GPA33: variants seen among roughly 807,000 people sequenced by gnomAD.
GPA33 encodes the protein glycoprotein A33, also known as cell surface A33 antigen.
Under a neutral mutation model 35.6 loss-of-function variants are expected in GPA33, and 27 were observed. That is an observed-to-expected ratio of 0.76 (90% CI 0.56 to 1.04). The LOEUF (loss-of-function observed/expected upper bound fraction) is 1.04. GPA33 is among the 50% of genes least tolerant of loss of function. GPA33 has a pLI of 0.00. For missense variants in GPA33, 428 were observed against 411.9 expected (o/e 1.04, Z -0.34); for synonymous variants, 176 against 164.0 (o/e 1.07, Z -0.56).
At chr1:167,089,571 T>C (rs1433680408) in intron 1 of GPA33, among the ~76,000 whole-genome samples, 1 of 152,146 alleles carries the variant, frequency 6.6e-6, no homozygotes, top group Non-Finnish European at 1.5e-5. Flanking sequence ...ACTCCATAGG[T>C]CCCCACAGAA....
chr1:167,059,132 A>T (rs73028865), intron 4 of GPA33, among the ~76,000 whole-genome samples: 1,763 of 152,220 alleles, frequency 0.012, 37 homozygotes, highest in African/African-American at 0.04. Context: ...TCCTAGTCCA[A>T]TGAGTCAGCG....
chr1:167,065,464 T>A (rs1666570573), intron 3 of GPA33, among the ~76,000 whole-genome samples: 1 of 152,198 alleles, frequency 6.6e-6, no homozygotes, highest in Admixed American at 6.5e-5. Flanking sequence ...GGGTTGCTCC[T>A]GGAATCCCTA....
At chr1:167,056,759 GTGTGTGTGGTGTGTGTGGCA>G in intron 4 of GPA33, among the ~76,000 whole-genome samples, 1 of 26,682 alleles carries the variant, frequency 3.7e-5, no homozygotes, top group East Asian at 1.1e-3. Context: ...TGTGTATGGC[GTGTGTGTGGTGTGTGTGGCA>G]TGTGTAGTGT....
Position 167,054,005 on chromosome 1 carries a change from G to A in GPA33, c.*329C>T, listed in dbSNP as rs138642494. 8.2e-3 allele frequency: 2,672 copies of A among 325,740 alleles called. 18 individuals carry two copies. The highest frequency in any genetic ancestry group is 0.019 in the Middle Eastern group (20 of 1,030). 20.2% of individuals were successfully genotyped at this position (325,740 alleles called of 1,614,324 possible). On this transcript the variant is annotated 3_prime_UTR_variant, in exon 7 of 7. Transcript: ENST00000367868. ...TCCCTGGAGAGTTCTGAGTGGGAGC[G>A]CCCCATGCTCAGCGCTGTGCTTCCA...
Position 167,054,032 on chromosome 1 carries a change from G to T in GPA33, c.*302C>A. On this transcript the variant is annotated 3_prime_UTR_variant, in exon 7 of 7. Transcript: ENST00000367868. ...CCCATGCTCAGCGCTGTGCTTCCAG[G>T]AGCTCCTGCCAACTACGAGGGAAGT... The T allele has an allele frequency of 2.4e-6, 1 of 408,174 alleles. No homozygotes were observed. The allele number at this position is 408,174 out of a possible 1,614,324, so 25.3% of individuals were successfully genotyped here.
intron 1 of GPA33, among the ~76,000 whole-genome samples, chr1:167,075,564 T>C (rs916391554): frequency 6.6e-6 from 1 of 152,160 alleles, no homozygotes; most frequent in Non-Finnish European, 1.5e-5. Flanking sequence ...AGGAGTTTGT[T>C]TGAGGACTTG....
At chr1:167,081,205 G>A (rs1376049173) in intron 1 of GPA33, among the ~76,000 whole-genome samples, 1 of 152,230 alleles carries the variant, frequency 6.6e-6, no homozygotes, top group African/African-American at 2.4e-5. Context: ...TGGAACCGGT[G>A]GCTTGAGGCA....
chr1:167,088,150 G>C (rs1425200072), intron 1 of GPA33, among the ~76,000 whole-genome samples: 1 of 152,142 alleles, frequency 6.6e-6, no homozygotes, highest in African/African-American at 2.4e-5. Flanking sequence ...AGAGAAAGAA[G>C]AGAAAAGCCC....
At chr1:167,062,948 G>A (rs1666493900) in intron 4 of GPA33, among the ~76,000 whole-genome samples, 1 of 152,080 alleles carries the variant, frequency 6.6e-6, no homozygotes, top group Admixed American at 6.5e-5. Flanking sequence ...TATACTTCAG[G>A]ACACAATCAA....
chr1:167,086,337 G>T (rs1036222931), intron 1 of GPA33, among the ~76,000 whole-genome samples: 8 of 152,234 alleles, frequency 5.3e-5, no homozygotes, highest in African/African-American at 1.9e-4. Flanking sequence ...TTGCATTTGC[G>T]GGCTGACACC....
chr1:167,081,231 G>T (rs1000703905), intron 1 of GPA33, among the ~76,000 whole-genome samples: 1 of 152,248 alleles, frequency 6.6e-6, no homozygotes, highest in Non-Finnish European at 1.5e-5. Flanking sequence ...AGCACATTAT[G>T]TGAGCCCTTG....
At chr1:167,069,782 T>C (rs1439991179) in intron 2 of GPA33, among the ~76,000 whole-genome samples, 1 of 152,186 alleles carries the variant, frequency 6.6e-6, no homozygotes, top group African/African-American at 2.4e-5. Flanking sequence ...ATGATGACAA[T>C]AACACCTGCC....
chr1:167,071,371 C>G (rs571249539), intron 2 of GPA33, among the ~76,000 whole-genome samples: 1 of 152,164 alleles, frequency 6.6e-6, no homozygotes, highest in Non-Finnish European at 1.5e-5. Context: ...GGTATAGAAG[C>G]GAGACCATGA....
intron 1 of GPA33, among the ~76,000 whole-genome samples, chr1:167,088,014 G>A (rs532397513): frequency 1.3e-5 from 2 of 152,186 alleles, no homozygotes; most frequent in East Asian, 3.9e-4. Flanking sequence ...TGTGCCCCCT[G>A]CATGGAACCT....
At chr1:167,055,581 T>A (rs1666224538) in intron 5 of GPA33, 149 bp downstream of exon 5, 7 of 818,892 alleles carry the variant, frequency 8.5e-6, no homozygotes, top group Admixed American at 2.1e-5. Context: ...GACAGAGTCA[T>A]CCTGCCTAGG....
rs1382247742 is a variant in GPA33, at chr1:167,090,218, C to G, written c.43+27G>C. On this transcript the variant is annotated intron_variant, in intron 1 of 6. Transcript: ENST00000367868. ...TCCCCATGTCTCACCCACCCCTGGG[C>G]ACTGGAGAGAAAAGGGGCCTACTCA... 6 of 1,573,886 alleles carry G rather than the reference C, an allele frequency of 3.8e-6. No individual in the cohort carries two copies. In the South Asian group the frequency reaches 6.6e-5, roughly 17 times the overall value.
chr1:167,076,250 G>A (rs975087405), intron 1 of GPA33, among the ~76,000 whole-genome samples: 5 of 152,202 alleles, frequency 3.3e-5, no homozygotes, highest in Admixed American at 6.5e-5. Flanking sequence ...TGATGTCCTT[G>A]TAGGGCAAAT....
chr1:167,068,175 C>A (rs1666639993), intron 3 of GPA33, among the ~76,000 whole-genome samples: 1 of 151,750 alleles, frequency 6.6e-6, no homozygotes. Flanking sequence ...GAAAAAAGAT[C>A]TTTGTTTTGG....
chr1:167,087,319 T>A (rs7523434), intron 1 of GPA33, among the ~76,000 whole-genome samples: 2 of 151,966 alleles, frequency 1.3e-5, no homozygotes, highest in African/African-American at 4.8e-5. Flanking sequence ...TTTATTGAGT[T>A]GTTATTATGT....
Sources: allele counts gnomAD v4.1 joint callset (sites outside exome capture counted in the v4.1 genomes callset), GRCh38; gene constraint gnomAD v4.1.1; transcripts MANE v1.5; gene names NCBI Gene and HGNC (gene_info 2026-07-23, HGNC 2026-07-21).